Variants in RASGRF2 observed in about 807,000 individuals in gnomAD.
RASGRF2 encodes the protein Ras protein specific guanine nucleotide releasing factor 2, also known as ras-specific guanine nucleotide-releasing factor 2.
In RASGRF2, 76 loss-of-function variants were observed where a neutral mutation model predicts 151.0. The ratio of observed to expected loss-of-function variants is 0.50; its 90% CI spans 0.42 to 0.61. The LOEUF (loss-of-function observed/expected upper bound fraction) is 0.61. Ranked by LOEUF, RASGRF2 falls within the 20% of genes least tolerant of loss-of-function variation. The pLI is 0.00. For synonymous variants in RASGRF2, 504 were observed against 566.5 expected, an observed-to-expected ratio of 0.89 and a Z score of 1.57; for missense variants, 1,148 against 1,564.6, an observed-to-expected ratio of 0.73 and a Z score of 4.49.
chr5:81,160,958 A>G (rs1245645333), intron 17 of RASGRF2, among the ~76,000 whole-genome samples: 1 of 152,154 alleles, frequency 6.6e-6, no homozygotes. Flanking sequence ...AATATCAGGG[A>G]CTGTGGTTTT....
At chr5:81,180,042 G>T in intron 17 of RASGRF2, 133 bp from the exon 18 acceptor site, 1 of 611,378 alleles carries the variant, frequency 1.6e-6, no homozygotes, top group Non-Finnish European at 3.0e-6. Context: ...ATAGTCTGAA[G>T]CCACGCGCAC....
chr5:81,098,165 G>A (rs1301161681), intron 12 of RASGRF2, among the ~76,000 whole-genome samples: 2 of 152,210 alleles, frequency 1.3e-5, no homozygotes, highest in Non-Finnish European at 2.9e-5. Flanking sequence ...AGAGTAAAAG[G>A]GTGAAGGATG....
At chr5:81,053,978 T>C (rs530316506) in intron 2 of RASGRF2, among the ~76,000 whole-genome samples, 2 of 152,182 alleles carry the variant, frequency 1.3e-5, no homozygotes, top group East Asian at 1.9e-4. Context: ...GGGTTGTTTG[T>C]TTTTTCTTGT....
At chr5:81,060,776 T>G (rs153228) in intron 2 of RASGRF2, among the ~76,000 whole-genome samples, 17,132 of 152,250 alleles carry the variant, frequency 0.11, 1,233 homozygotes, top group Non-Finnish European at 0.16. Flanking sequence ...ATTTTCTCTT[T>G]TCTCCCCACT....
intron 1 of RASGRF2, among the ~76,000 whole-genome samples, chr5:80,980,722 C>T (rs1403315888): frequency 6.6e-6 from 1 of 152,314 alleles, no homozygotes; most frequent in East Asian, 1.9e-4. Context: ...TTAAAACTTA[C>T]ACCCTTTGTG....
At chr5:81,215,630 A>AT (rs1215076474) in intron 23 of RASGRF2, among the ~76,000 whole-genome samples, 3 of 152,088 alleles carry the variant, frequency 2.0e-5, no homozygotes, top group Non-Finnish European at 2.9e-5. Context: ...CTTTCCACAC[A>AT]TTTTTGCTCT....
At chr5:80,983,471 C>G (rs1184042177) in intron 1 of RASGRF2, among the ~76,000 whole-genome samples, 1 of 152,252 alleles carries the variant, frequency 6.6e-6, no homozygotes, top group Non-Finnish European at 1.5e-5. Context: ...GAGGATGTCT[C>G]TATCTGAGGG....
intron 1 of RASGRF2, among the ~76,000 whole-genome samples, chr5:81,009,057 T>A (rs954165006): frequency 1.3e-5 from 2 of 152,024 alleles, no homozygotes; most frequent in African/African-American, 4.8e-5. Flanking sequence ...CCAGTGGGAG[T>A]CCACTACTAC....
At chr5:81,161,813 TA>T (rs1319871457) in intron 17 of RASGRF2, among the ~76,000 whole-genome samples, 1 of 152,196 alleles carries the variant, frequency 6.6e-6, no homozygotes, top group African/African-American at 2.4e-5. Flanking sequence ...ATGTTATTAA[TA>T]TAAACATTGT....
At chr5:81,048,981 C>T (rs889290190) in intron 2 of RASGRF2, among the ~76,000 whole-genome samples, 9 of 152,250 alleles carry the variant, frequency 5.9e-5, no homozygotes, top group Non-Finnish European at 1.2e-4. Flanking sequence ...CTCCTAGGCA[C>T]GCAGCTCTTC....
chr5:81,078,979 C>T (rs967109197), intron 5 of RASGRF2, among the ~76,000 whole-genome samples: 1 of 152,172 alleles, frequency 6.6e-6, no homozygotes, highest in Non-Finnish European at 1.5e-5. Context: ...GAAGCTGGTT[C>T]CCAGAAACTA....
chr5:81,033,908 TG>T (rs1464296276), intron 1 of RASGRF2, among the ~76,000 whole-genome samples: 3 of 152,016 alleles, frequency 2.0e-5, no homozygotes, highest in Admixed American at 6.6e-5. Context: ...ATCTGACAAA[TG>T]GCTAATATCC....
intron 12 of RASGRF2, among the ~76,000 whole-genome samples, chr5:81,095,238 C>A (rs1334195420): frequency 2.6e-5 from 4 of 152,080 alleles, no homozygotes; most frequent in Non-Finnish European, 5.9e-5. Context: ...GCATTTTACA[C>A]CAGCAGCAAA....
At chr5:81,220,659 G>A (rs1222665187) in intron 26 of RASGRF2, among the ~76,000 whole-genome samples, 7 of 152,024 alleles carry the variant, frequency 4.6e-5, no homozygotes, top group African/African-American at 1.2e-4. Context: ...TAGTAGAGAC[G>A]GGGTTTCACC....
intron 1 of RASGRF2, among the ~76,000 whole-genome samples, chr5:81,014,990 A>T (rs751437937): frequency 6.6e-6 from 1 of 151,902 alleles, no homozygotes; most frequent in Non-Finnish European, 1.5e-5. Context: ...CATAGTCACG[A>T]CTCACTGTAT....
At chr5:81,027,617 C>G (rs758111437) in intron 1 of RASGRF2, among the ~76,000 whole-genome samples, 1 of 152,224 alleles carries the variant, frequency 6.6e-6, no homozygotes, top group Admixed American at 6.5e-5. Context: ...TAACTCCCAT[C>G]TGCCCTTGCT....
At chr5:81,084,895 C>T (rs969514102) in intron 7 of RASGRF2, among the ~76,000 whole-genome samples, 1 of 152,236 alleles carries the variant, frequency 6.6e-6, no homozygotes, top group Non-Finnish European at 1.5e-5. Flanking sequence ...ATAGTTGACG[C>T]TCCCATTTAC....
chr5:81,107,780 A>G lies in RASGRF2; in HGVS notation c.1756-1216A>G, dbSNP rs187865061. 6.3e-4 allele frequency among the ~76,000 whole-genome samples: 96 copies of G among 152,378 alleles called. 3 individuals are homozygous for G. The highest frequency in any genetic ancestry group is 1.5e-5 in the Non-Finnish European group (1 of 68,038). On this transcript the variant is annotated intron_variant, in intron 12 of 26. Coordinates refer to ENST00000265080, the MANE Select transcript of RASGRF2 (RefSeq NM_006909.3). ...TGGCCAAATTTATAGGTAGATGATCATAATTATTTATATGAAAATATAACT... is the reference window on the plus strand; with the variant it reads ...TGGCCAAATTTATAGGTAGATGATCGTAATTATTTATATGAAAATATAACT...
intron 2 of RASGRF2, among the ~76,000 whole-genome samples, chr5:81,047,979 G>A (rs867155994): frequency 1.3e-5 from 2 of 152,122 alleles, no homozygotes; most frequent in Non-Finnish European, 1.5e-5. Flanking sequence ...TTTGCAGCAA[G>A]GTATATAGTA....
Sources: allele counts gnomAD v4.1 joint callset (sites outside exome capture counted in the v4.1 genomes callset), GRCh38; gene constraint gnomAD v4.1.1; transcripts MANE v1.5; gene names NCBI Gene and HGNC (gene_info 2026-07-23, HGNC 2026-07-21).